TXNRD1: variants seen among roughly 807,000 people sequenced by gnomAD.
TXNRD1 encodes thioredoxin reductase 1.
A neutral mutation model predicts 80.3 loss-of-function variants in TXNRD1; 57 were observed. The ratio of observed to expected loss-of-function variants is 0.71; its 90% CI spans 0.57 to 0.89. The LOEUF (loss-of-function observed/expected upper bound fraction) is 0.89. Among genes scored for constraint, TXNRD1 ranks in the 40% least tolerant of loss-of-function variants. The probability of loss-of-function intolerance (pLI) is 0.00; values close to 1 mark genes in which losing one functional copy is unlikely to be tolerated. For synonymous variants in TXNRD1, 291 were observed against 285.2 expected (o/e 1.02, Z -0.20); for missense variants, 730 against 803.0 (o/e 0.91, Z 1.10).
chr12:104,291,742 A>G (rs532185204), intron 4 of TXNRD1, among the ~76,000 whole-genome samples: 1 of 152,334 alleles, frequency 6.6e-6, no homozygotes, highest in Non-Finnish European at 1.5e-5. Flanking sequence ...TCGGCCTTCC[A>G]AAGTGCTGGG....
At chr12:104,266,524 C>CAG in intron 3 of TXNRD1, among the ~76,000 whole-genome samples, 1 of 111,496 alleles carries the variant, frequency 9.0e-6, no homozygotes, top group African/African-American at 3.4e-5. Flanking sequence ...GAATTCATCT[C>CAG]AAAAAAAAAA....
intron 1 of TXNRD1, among the ~76,000 whole-genome samples, chr12:104,225,340 A>G (rs1427419978): frequency 2.0e-5 from 3 of 152,232 alleles, no homozygotes; most frequent in Non-Finnish European, 4.4e-5. Context: ...GAGGATTCTC[A>G]TGCTGGAAGC....
In TXNRD1 at chr12:104,327,611, A is replaced by C. The variant is rs1013636641; in HGVS notation, c.1482A>C (p.Pro494=). Residue 494 remains proline (P), a synonymous_variant, in exon 13 of 17, where the codon CCA becomes CCC. Coordinates refer to ENST00000525566, the MANE Select transcript of TXNRD1 (RefSeq NM_001093771.3). ...DILEDKVELT[P]VAIQAGRLLA... ...TGGAGGATAAGGTGGAGCTCACCCC[A>C]GTTGCAATCCAGGCAGGAAGATTGC... The C allele has an allele frequency of 1.2e-5, 19 of 1,613,548 alleles. No homozygotes were observed. The highest frequency in any genetic ancestry group is 1.5e-5 in the Non-Finnish European group (18 of 1,179,844).
intron 3 of TXNRD1, among the ~76,000 whole-genome samples, chr12:104,281,912 T>C (rs2033887919): frequency 6.6e-6 from 1 of 152,202 alleles, no homozygotes; most frequent in Admixed American, 6.6e-5. Context: ...ACCACTTTTT[T>C]TCTCACTCAT....
chr12:104,339,340 C>T (rs12299527), intron 16 of TXNRD1, 67 bp downstream of exon 16: 1 of 1,596,206 alleles, frequency 6.3e-7, no homozygotes, highest in Non-Finnish European at 8.6e-7. Context: ...CACCACCCAG[C>T]TTATACATGG....
In TXNRD1 at chr12:104,324,619, G is replaced by A. The variant is rs188925611; in HGVS notation, c.1216-718G>A. 7.9e-5 allele frequency among the ~76,000 whole-genome samples: 12 copies of A among 152,144 alleles called. No individual in the cohort carries two copies. The East Asian group carries it at 1.9e-3, about 24-fold the overall frequency. ...CCCGCCTCGGCCTCCCAAAGTGCTG[G>A]GATTACAGGCGTGAGCCACCGCACC... On this transcript the variant is annotated intron_variant, in intron 10 of 16. Coordinates refer to ENST00000525566, the MANE Select transcript of TXNRD1 (RefSeq NM_001093771.3).
chr12:104,322,714 A>G (rs911691931), intron 10 of TXNRD1, among the ~76,000 whole-genome samples: 9 of 152,054 alleles, frequency 5.9e-5, no homozygotes, highest in African/African-American at 1.9e-4. Context: ...TATATATGCT[A>G]TATTTGCATT....
At chr12:104,323,414 C>A (rs1449207726) in intron 10 of TXNRD1, among the ~76,000 whole-genome samples, 2 of 146,060 alleles carry the variant, frequency 1.4e-5, no homozygotes, top group Admixed American at 1.4e-4. Context: ...GCTGACCCCC[C>A]ACCTCCCTCC....
chr12:104,287,180 G>C lies in TXNRD1; in HGVS notation c.305-1751G>C, dbSNP rs2033997267. On this transcript the variant is annotated intron_variant, in intron 3 of 16. Coordinates refer to ENST00000525566, the MANE Select transcript of TXNRD1 (RefSeq NM_001093771.3). ...GATGGGAGCACGCGGGGGACGGCCT[G>C]CCGGCGGGGACGACAGCATTGCGCC... 3.2e-6 allele frequency: 5 copies of C among 1,570,082 alleles called. No individual in the cohort carries two copies. In the South Asian group the frequency reaches 5.7e-5, roughly 18 times the overall value.
At chr12:104,260,257 C>T (rs1341471190) in intron 3 of TXNRD1, among the ~76,000 whole-genome samples, 4 of 152,138 alleles carry the variant, frequency 2.6e-5, no homozygotes, top group Middle Eastern at 3.4e-3. Context: ...TACCTGAGGT[C>T]GGGAGTTCAA....
chr12:104,262,029 C>T (rs570172365), intron 3 of TXNRD1, among the ~76,000 whole-genome samples: 22 of 151,700 alleles, frequency 1.5e-4, no homozygotes, highest in Admixed American at 3.9e-4. Context: ...ATTACAGGCG[C>T]GAGACCAGCT....
intron 15 of TXNRD1, among the ~76,000 whole-genome samples, chr12:104,335,841 C>T (rs1436076790): frequency 6.6e-6 from 1 of 152,172 alleles, no homozygotes; most frequent in Non-Finnish European, 1.5e-5. Flanking sequence ...TTGGAAACTA[C>T]TGCTTTAGGC....
At chr12:104,304,384 C>T in intron 4 of TXNRD1, 2 of 1,614,016 alleles carry the variant, frequency 1.2e-6, no homozygotes, top group Non-Finnish European at 1.7e-6. Context: ...CTCTTTCCTT[C>T]TGGAAGGCAA....
At chr12:104,274,538 T>C (rs2033717116) in intron 3 of TXNRD1, among the ~76,000 whole-genome samples, 1 of 151,002 alleles carries the variant, frequency 6.6e-6, no homozygotes, top group Non-Finnish European at 1.5e-5. Flanking sequence ...TCTAATAAAA[T>C]ACAAAAAAAA....
intron 1 of TXNRD1, among the ~76,000 whole-genome samples, chr12:104,219,111 AT>A (rs1371812371): frequency 2.0e-5 from 3 of 151,780 alleles, no homozygotes; most frequent in Non-Finnish European, 2.9e-5. Flanking sequence ...CCTAGCCTCA[AT>A]TTTAAATTTT....
At chr12:104,273,557 C>T (rs2033698667) in intron 3 of TXNRD1, among the ~76,000 whole-genome samples, 1 of 152,138 alleles carries the variant, frequency 6.6e-6, no homozygotes, top group South Asian at 2.1e-4. Context: ...TGCGTCACTG[C>T]ACTCCAGTCT....
chr12:104,294,242 C>CCG (rs1565882974), intron 4 of TXNRD1, among the ~76,000 whole-genome samples: 11 of 119,042 alleles, frequency 9.2e-5, no homozygotes, highest in African/African-American at 2.2e-4. Context: ...GGCCCCCCCC[C>CCG]CCGCCGCCGG....
chr12:104,347,749 C>T (rs1350624338), intron 16 of TXNRD1, among the ~76,000 whole-genome samples: 1 of 152,162 alleles, frequency 6.6e-6, no homozygotes, highest in South Asian at 2.1e-4. Context: ...ATATACTACA[C>T]TGTATGTGTT....
At chr12:104,269,713 A>G (rs2033613475) in intron 3 of TXNRD1, among the ~76,000 whole-genome samples, 1 of 151,954 alleles carries the variant, frequency 6.6e-6, no homozygotes, top group African/African-American at 2.4e-5. Flanking sequence ...GACTACAGGC[A>G]CGCGACACCA....
Sources: allele counts gnomAD v4.1 joint callset (sites outside exome capture counted in the v4.1 genomes callset), GRCh38; gene constraint gnomAD v4.1.1; transcripts MANE v1.5; gene names NCBI Gene and HGNC (gene_info 2026-07-23, HGNC 2026-07-21).